CTNNA3: variants seen among roughly 807,000 people sequenced by gnomAD.
The protein encoded by CTNNA3 is catenin alpha-3.
In CTNNA3, 76 loss-of-function variants were observed where a neutral mutation model predicts 95.7. The ratio of observed to expected loss-of-function variants is 0.79; its 90% CI spans 0.66 to 0.96. The LOEUF is 0.96. Among genes scored for constraint, CTNNA3 ranks in the 40% least tolerant of loss-of-function variants. CTNNA3 has a pLI of 0.00. For synonymous variants in CTNNA3, 431 were observed against 374.4 expected (o/e 1.15, Z -1.74); for missense variants, 1,191 against 1,089.8 (o/e 1.09, Z -1.31).
At chr10:66,543,899 ATGTGTGTG>A (rs370848565) in intron 10 of CTNNA3, among the ~76,000 whole-genome samples, 2,903 of 39,964 alleles carry the variant, frequency 0.073, 168 homozygotes, top group East Asian at 0.26. Flanking sequence ...CCTTCTTGAG[ATGTGTGTG>A]TGTGTATATA....
At position 66,549,524 on chromosome 10, in the gene CTNNA3, C is replaced by T. The variant is rs138248134; in HGVS notation, c.1375-28751G>A. The stretch of plus-strand genomic sequence containing the variant: ...CTTTTGTCTTCACTGTTTTCTTTTA[C>T]CTGCTTACTTGCTCACTTACTTTCA... On this transcript the variant is annotated intron_variant, in intron 10 of 17. Transcript: ENST00000433211. Among the ~76,000 whole-genome samples the T allele has an allele frequency of 8.8e-3, 1,345 of 152,158 alleles. 17 individuals are homozygous for T. The highest frequency in any genetic ancestry group is 0.03 in the African/African-American group (1,260 of 41,534).
chr10:67,117,167 T>C (rs1433660506), intron 7 of CTNNA3, among the ~76,000 whole-genome samples: 1 of 151,940 alleles, frequency 6.6e-6, no homozygotes, highest in African/African-American at 2.4e-5. Flanking sequence ...CCTTCAGCAA[T>C]GTCAGCTCAC....
At chr10:66,531,272 GT>G (rs148213240) in intron 10 of CTNNA3, among the ~76,000 whole-genome samples, 3,711 of 152,246 alleles carry the variant, frequency 0.024, 94 homozygotes, top group East Asian at 0.064. Context: ...ACTTAGTTTT[GT>G]GTGGTTTTAG....
chr10:67,293,023 T>G (rs114731262), intron 5 of CTNNA3, among the ~76,000 whole-genome samples: 7 of 151,932 alleles, frequency 4.6e-5, no homozygotes, highest in Admixed American at 3.3e-4. Context: ...TAAAGAGAAT[T>G]AGTAGATTAA....
At chr10:66,655,501 G>A (rs1041195752) in intron 9 of CTNNA3, among the ~76,000 whole-genome samples, 1 of 152,028 alleles carries the variant, frequency 6.6e-6, no homozygotes, top group Admixed American at 6.5e-5. Flanking sequence ...AGCAAGACAG[G>A]TGGAAAGATT....
intron 7 of CTNNA3, among the ~76,000 whole-genome samples, chr10:66,839,074 G>C (rs1326653079): frequency 2.6e-5 from 4 of 152,102 alleles, no homozygotes. Context: ...TGAAAGAACA[G>C]AGAAGTTTGA....
chr10:66,788,829 C>T (rs1268455348), intron 7 of CTNNA3, among the ~76,000 whole-genome samples: 1 of 152,120 alleles, frequency 6.6e-6, no homozygotes, highest in African/African-American at 2.4e-5. Flanking sequence ...CACACTCACT[C>T]ATATACATTA....
chr10:66,846,254 A>G (rs1843270729), intron 7 of CTNNA3, among the ~76,000 whole-genome samples: 1 of 152,156 alleles, frequency 6.6e-6, no homozygotes, highest in Non-Finnish European at 1.5e-5. Context: ...AAAATCTAAA[A>G]AGTCAAACTC....
At chr10:66,699,900 G>A (rs768144674) in intron 9 of CTNNA3, among the ~76,000 whole-genome samples, 2 of 152,012 alleles carry the variant, frequency 1.3e-5, no homozygotes, top group African/African-American at 2.4e-5. Flanking sequence ...CAGGTGATCT[G>A]CCTGCCTTGG....
intron 14 of CTNNA3, among the ~76,000 whole-genome samples, chr10:66,089,544 G>A (rs1055015170): frequency 1.3e-5 from 2 of 151,130 alleles, no homozygotes; most frequent in Non-Finnish European, 2.9e-5. Context: ...TTTACCTTAG[G>A]TAACTTATAT....
intron 6 of CTNNA3, among the ~76,000 whole-genome samples, chr10:67,180,918 A>C (rs1862507022): frequency 6.6e-6 from 1 of 152,194 alleles, no homozygotes; most frequent in Non-Finnish European, 1.5e-5. Context: ...TACAATAGTA[A>C]CTTTTATAGA....
chr10:66,159,221 C>T (rs202069276), intron 13 of CTNNA3, among the ~76,000 whole-genome samples: 3 of 151,938 alleles, frequency 2.0e-5, no homozygotes, highest in East Asian at 3.9e-4. Context: ...AGAGTGGGCA[C>T]GCTTGTGTTG....
intron 13 of CTNNA3, among the ~76,000 whole-genome samples, chr10:66,248,622 A>G (rs1476208901): frequency 6.6e-6 from 1 of 152,180 alleles, no homozygotes; most frequent in African/African-American, 2.4e-5. Context: ...GTAGACTTCA[A>G]GATGAAAACT....
At chr10:67,672,882 C>T (rs1372375510) in intron 1 of CTNNA3, among the ~76,000 whole-genome samples, 5 of 151,882 alleles carry the variant, frequency 3.3e-5, no homozygotes, top group Admixed American at 6.6e-5. Context: ...AGTAGTTTTT[C>T]CCAATTCTGT....
chr10:67,046,709 G>C (rs1033280898), intron 7 of CTNNA3, among the ~76,000 whole-genome samples: 5 of 152,182 alleles, frequency 3.3e-5, no homozygotes, highest in African/African-American at 1.2e-4. Flanking sequence ...TAAATGTATT[G>C]ACTCAGCATT....
chr10:66,181,905 C>T (rs1239353954), intron 13 of CTNNA3, among the ~76,000 whole-genome samples: 1 of 152,090 alleles, frequency 6.6e-6, no homozygotes, highest in African/African-American at 2.4e-5. Flanking sequence ...ATTGTTGTAT[C>T]CAGTTACTTT....
chr10:66,901,009 A>T (rs749865697), intron 7 of CTNNA3, among the ~76,000 whole-genome samples: 40 of 152,220 alleles, frequency 2.6e-4, no homozygotes, highest in Non-Finnish European at 8.8e-5. Context: ...CAACATTCAC[A>T]TTCAGGAAAT....
At chr10:66,938,324 C>T (rs1297918081) in intron 7 of CTNNA3, among the ~76,000 whole-genome samples, 1 of 152,042 alleles carries the variant, frequency 6.6e-6, no homozygotes. Flanking sequence ...ATATTTTACT[C>T]CCCCAGAACT....
chr10:66,351,571 A>G (rs376926046), intron 12 of CTNNA3, among the ~76,000 whole-genome samples: 2 of 152,190 alleles, frequency 1.3e-5, no homozygotes, highest in African/African-American at 4.8e-5. Flanking sequence ...AAATGCTGCA[A>G]AACTCAACTC....
Sources: gnomAD v4.1 joint callset for allele counts (sites outside exome capture counted in the v4.1 genomes callset) on GRCh38, gnomAD v4.1.1 for gene constraint, MANE v1.5 for transcripts, NCBI Gene and HGNC (gene_info 2026-07-23, HGNC 2026-07-21) for gene names.